DNAH8: variants seen among roughly 807,000 people sequenced by gnomAD.
DNAH8 encodes dynein axonemal heavy chain 8, also known as axonemal beta dynein heavy chain 8.
In DNAH8, 382 loss-of-function variants were observed where a neutral mutation model predicts 562.1. The observed-to-expected ratio is 0.68, with a 90% CI of 0.63 to 0.74. The LOEUF (loss-of-function observed/expected upper bound fraction) is 0.74. Among genes scored for constraint, DNAH8 ranks in the 30% least tolerant of loss-of-function variants. The probability of loss-of-function intolerance (pLI) is 0.00; values close to 1 mark genes in which losing one functional copy is unlikely to be tolerated. For missense variants in DNAH8, 5,203 were observed against 5,620.4 expected (o/e 0.93, Z 2.37); for synonymous variants, 1,881 against 1,919.4 (o/e 0.98, Z 0.52).
At chr6:38,938,552 G>A (rs984987649) in intron 78 of DNAH8, among the ~76,000 whole-genome samples, 1 of 152,092 alleles carries the variant, frequency 6.6e-6, no homozygotes, top group African/African-American at 2.4e-5. Context: ...ATACCACATG[G>A]ACACATAGAG....
intron 91 of DNAH8, 82 bp downstream of exon 91, chr6:39,012,719 T>C (rs1766302835): frequency 9.4e-7 from 1 of 1,061,560 alleles, no homozygotes; most frequent in East Asian, 2.4e-5. Flanking sequence ...ATATACCATA[T>C]AAAACAATAT....
intron 5 of DNAH8, among the ~76,000 whole-genome samples, chr6:38,736,621 C>T (rs770169535): frequency 5.3e-5 from 8 of 151,978 alleles, no homozygotes; most frequent in East Asian, 1.9e-4. Flanking sequence ...TGAAAGGTCA[C>T]GCATGGGTGG....
rs1763933756 is a variant in DNAH8 at position 38,734,556 on chromosome 6, A to G, written c.693A>G (p.Leu231=). ...LYIDNAAPDK[L]KGLCIFFVRC... ...TAGACAATGCAGCCCCGGATAAACT[A>G]AAAGGACTGTGCATATTTTTTGTTC... Residue 231 remains leucine, a synonymous_variant, in exon 5 of 93, where the codon CTA becomes CTG. Transcript: ENST00000327475. 4 of 1,613,826 alleles carry G rather than the reference A, an allele frequency of 2.5e-6. No individual in the cohort carries two copies. The highest frequency in any genetic ancestry group is 1.7e-5 in the Admixed American group (1 of 59,996).
chr6:38,758,192 C>A (rs2127603443), intron 10 of DNAH8, among the ~76,000 whole-genome samples: 1 of 152,280 alleles, frequency 6.6e-6, no homozygotes, highest in East Asian at 1.9e-4. Flanking sequence ...TTTATATCTT[C>A]TTTTATTTCC....
intron 82 of DNAH8, among the ~76,000 whole-genome samples, chr6:38,968,831 T>C (rs1763148200): frequency 6.6e-6 from 1 of 152,188 alleles, no homozygotes; most frequent in Non-Finnish European, 1.5e-5. Context: ...AAAACTTGTA[T>C]GTGAATGCTC....
At chr6:38,885,598 C>T (rs141752981) in intron 56 of DNAH8, among the ~76,000 whole-genome samples, 3,657 of 152,336 alleles carry the variant, frequency 0.024, 63 homozygotes, top group Non-Finnish European at 0.035. Flanking sequence ...TTGACCGCCT[C>T]TCCCTCTTCC....
Position 38,982,390 on chromosome 6 carries a change from A to G in DNAH8, c.12879A>G (p.Glu4293=). The G allele has an allele frequency of 6.2e-7, 1 of 1,612,352 alleles. No homozygotes were observed. The highest frequency in any genetic ancestry group is 1.3e-5 in the African/African-American group (1 of 74,994). ...CCTTAGGATGGAATATTCCCTACGAATTCAATTCTGCTGACTTTTCAGCCA... is the reference window on the plus strand; with the variant it reads ...CCTTAGGATGGAATATTCCCTACGAGTTCAATTCTGCTGACTTTTCAGCCA... ...FGPLGWNIPY[E]FNSADFSASV... The change falls in exon 86 of 93, where the codon GAA becomes GAG. Residue 4293 remains glutamate, a synonymous_variant. Coordinates refer to ENST00000327475, the MANE Select transcript of DNAH8 (RefSeq NM_001206927.2).
chr6:38,880,583 A>G (rs1167566731), intron 53 of DNAH8, among the ~76,000 whole-genome samples: 1 of 152,264 alleles, frequency 6.6e-6, no homozygotes, highest in African/African-American at 2.4e-5. Flanking sequence ...AAGAACTCCT[A>G]TAATCCAATA....
intron 8 of DNAH8, among the ~76,000 whole-genome samples, chr6:38,745,491 C>T (rs772249037): frequency 2.6e-5 from 4 of 152,164 alleles, no homozygotes; most frequent in Non-Finnish European, 5.9e-5. Context: ...CAGGATAGTA[C>T]AGAGAGTTCC....
Position 38,723,118 on chromosome 6 carries a change from G to A in DNAH8, c.309G>A (p.Leu103=), listed in dbSNP as rs768999060. The change falls in exon 2 of 93, where the codon TTG becomes TTA. Residue 103 remains leucine, a synonymous_variant. Coordinates refer to ENST00000327475, the MANE Select transcript of DNAH8 (RefSeq NM_001206927.2). Reference sequence around the variant, plus strand: ...CAGTGATTTCGGAAGTGCTGTCCTTGCCGTCTTCCCGGAGGTCCTCCAGAT... The same window carrying A: ...CAGTGATTTCGGAAGTGCTGTCCTTACCGTCTTCCCGGAGGTCCTCCAGAT... The part of the protein sequence containing the change: ...VQSVISEVLS[L]PSSRRSSRYR... 17 of 1,612,718 alleles carry A rather than the reference G, an allele frequency of 1.1e-5. No homozygotes were observed. The highest frequency in any genetic ancestry group is 1.4e-5 in the Non-Finnish European group (17 of 1,179,900).
intron 77 of DNAH8, 118 bp from the exon 78 acceptor site, chr6:38,937,856 C>T (rs1783093834): frequency 8.0e-7 from 1 of 1,246,680 alleles, no homozygotes; most frequent in Non-Finnish European, 1.1e-6. Context: ...AGTAGTCTTC[C>T]TGACTTTGGA....
chr6:38,841,199 A>G (rs1037560084), intron 33 of DNAH8, among the ~76,000 whole-genome samples: 2 of 152,050 alleles, frequency 1.3e-5, no homozygotes, highest in African/African-American at 4.8e-5. Context: ...CGGGCCGATC[A>G]CCTGAGATCA....
intron 32 of DNAH8, 49 bp downstream of exon 32, chr6:38,834,690 T>A (rs1487771500): frequency 2.1e-6 from 3 of 1,421,318 alleles, no homozygotes; most frequent in East Asian, 2.3e-5. Context: ...ATTTAAAAAA[T>A]TATTTTGGGG....
At position 39,030,496 on chromosome 6, in the gene DNAH8, A is replaced by G; in HGVS notation, c.*104A>G. On this transcript the variant is annotated 3_prime_UTR_variant, in exon 93 of 93. Coordinates refer to ENST00000327475, the MANE Select transcript of DNAH8 (RefSeq NM_001206927.2). Reference sequence around the variant, plus strand: ...TTTTCTCCCCAGTAATTCCTTAATTACTCTTTCTACATTAAAAAGTTGATG... The same window carrying G: ...TTTTCTCCCCAGTAATTCCTTAATTGCTCTTTCTACATTAAAAAGTTGATG... 3.0e-6 allele frequency: 3 copies of G among 1,002,132 alleles called. No homozygotes were observed. The highest frequency in any genetic ancestry group is 4.4e-6 in the Non-Finnish European group (3 of 688,974). The allele number at this position is 1,002,132 out of a possible 1,614,324, so 62.1% of individuals were successfully genotyped here.
chr6:38,804,759 AAGAGAG>A (rs137967997), intron 22 of DNAH8, among the ~76,000 whole-genome samples: 1,227 of 111,174 alleles, frequency 0.011, 8 homozygotes, highest in Middle Eastern at 0.036. Flanking sequence ...ACATAGCAAG[AAGAGAG>A]AGAGAGAGAG....
intron 79 of DNAH8, 52 bp from the exon 80 acceptor site, chr6:38,945,415 A>C: frequency 6.3e-7 from 1 of 1,582,346 alleles, no homozygotes; most frequent in Non-Finnish European, 8.6e-7. Context: ...GTACATTTCT[A>C]GAAGTGAAGT....
chr6:38,760,064 A>G (rs995461397), intron 10 of DNAH8, among the ~76,000 whole-genome samples: 1 of 152,240 alleles, frequency 6.6e-6, no homozygotes, highest in Non-Finnish European at 1.5e-5. Flanking sequence ...TGAATCAACA[A>G]GTATTCAGAC....
chr6:38,812,929 C>T (rs897278384), intron 24 of DNAH8, among the ~76,000 whole-genome samples: 5 of 152,156 alleles, frequency 3.3e-5, no homozygotes, highest in Non-Finnish European at 4.4e-5. Flanking sequence ...TAGGGTCTGC[C>T]TCACAGAATT....
chr6:38,959,796 C>A (rs1762489249), intron 82 of DNAH8, among the ~76,000 whole-genome samples: 2 of 151,414 alleles, frequency 1.3e-5, no homozygotes, highest in African/African-American at 4.9e-5. Flanking sequence ...ACACAAAATC[C>A]CAAATAGCTA....
Sources: allele counts gnomAD v4.1 joint callset (sites outside exome capture counted in the v4.1 genomes callset), GRCh38; gene constraint gnomAD v4.1.1; transcripts MANE v1.5; gene names NCBI Gene and HGNC (gene_info 2026-07-23, HGNC 2026-07-21).